GRM5: variants seen among roughly 807,000 people sequenced by gnomAD.
The protein encoded by GRM5 is metabotropic glutamate receptor 5.
In GRM5, 19 loss-of-function variants were observed where a neutral mutation model predicts 83.1. That is an observed-to-expected ratio of 0.23 (90% CI 0.16 to 0.34). The LOEUF (loss-of-function observed/expected upper bound fraction) is 0.34, where lower values mean the gene tolerates loss of function less well. Ranked by LOEUF, GRM5 falls within the 10% of genes least tolerant of loss-of-function variation. The probability of loss-of-function intolerance (pLI) is 1.00; values close to 1 mark genes in which losing one functional copy is unlikely to be tolerated. For synonymous variants in GRM5, 675 were observed against 633.6 expected, an observed-to-expected ratio of 1.07 and a Z score of -0.98; for missense variants, 1,160 against 1,588.3, an observed-to-expected ratio of 0.73 and a Z score of 4.58.
chr11:88,671,177 G>A (rs1940183800), intron 3 of GRM5, among the ~76,000 whole-genome samples: 1 of 151,504 alleles, frequency 6.6e-6, no homozygotes, highest in Admixed American at 6.6e-5. Flanking sequence ...TCCTCCCCAA[G>A]CAGAGACATG....
intron 3 of GRM5, among the ~76,000 whole-genome samples, chr11:88,804,649 C>A (rs1177793887): frequency 6.6e-6 from 1 of 151,930 alleles, no homozygotes; most frequent in Non-Finnish European, 1.5e-5. Context: ...AACTAGCCTG[C>A]ACATTGTGCA....
At chr11:88,985,588 C>G (rs1264900446) in intron 2 of GRM5, among the ~76,000 whole-genome samples, 1 of 152,128 alleles carries the variant, frequency 6.6e-6, no homozygotes, top group Non-Finnish European at 1.5e-5. Flanking sequence ...CCTAATCATA[C>G]CAAGAACACC....
chr11:88,824,863 C>A (rs969916269), intron 3 of GRM5, among the ~76,000 whole-genome samples: 2 of 152,146 alleles, frequency 1.3e-5, no homozygotes, highest in African/African-American at 2.4e-5. Flanking sequence ...ATGTATATGG[C>A]AAACTGAGGT....
intron 3 of GRM5, among the ~76,000 whole-genome samples, chr11:88,705,455 A>G (rs997291420): frequency 6.6e-6 from 1 of 152,052 alleles, no homozygotes; most frequent in Non-Finnish European, 1.5e-5. Flanking sequence ...TAGAAGTATC[A>G]CTGTTTTGAA....
intron 3 of GRM5, among the ~76,000 whole-genome samples, chr11:88,838,405 G>T (rs1944133810): frequency 6.6e-6 from 1 of 152,254 alleles, no homozygotes; most frequent in Admixed American, 6.5e-5. Context: ...GGAGCAGTCT[G>T]TTCTCTGAAC....
intron 2 of GRM5, among the ~76,000 whole-genome samples, chr11:89,015,453 G>A (rs866006029): frequency 3.3e-5 from 5 of 152,162 alleles, no homozygotes; most frequent in African/African-American, 1.2e-4. Flanking sequence ...ATCAATGGGT[G>A]TCTGTTGGCA....
chr11:88,540,913 AT>A (rs556487889), intron 8 of GRM5, among the ~76,000 whole-genome samples: 31 of 147,430 alleles, frequency 2.1e-4, no homozygotes, highest in African/African-American at 6.2e-4. Context: ...CGCCTGGTTA[AT>A]TTTTTTTTTG....
intron 2 of GRM5, among the ~76,000 whole-genome samples, chr11:89,023,082 T>C (rs7105432): frequency 0.036 from 5,401 of 152,116 alleles, 240 homozygotes; most frequent in African/African-American, 0.11. Flanking sequence ...CTTGGAAAGT[T>C]ACTGTATCAC....
At chr11:88,965,049 T>C (rs1348477858) in intron 2 of GRM5, among the ~76,000 whole-genome samples, 6 of 152,278 alleles carry the variant, frequency 3.9e-5, no homozygotes, top group Admixed American at 2.6e-4. Context: ...ACATCAATAA[T>C]AGCATTTTCT....
chr11:88,901,748 C>A (rs368652351), intron 2 of GRM5, among the ~76,000 whole-genome samples: 2 of 152,210 alleles, frequency 1.3e-5, no homozygotes, highest in South Asian at 2.1e-4. Flanking sequence ...TTGCTCTCAA[C>A]AGAAGTCTTC....
At chr11:88,748,082 G>C (rs1462735926) in intron 3 of GRM5, among the ~76,000 whole-genome samples, 1 of 152,148 alleles carries the variant, frequency 6.6e-6, no homozygotes, top group South Asian at 2.1e-4. Flanking sequence ...GAAGCAGTAA[G>C]TGATTGTACA....
chr11:88,550,823 A>G (rs578147678), intron 8 of GRM5, among the ~76,000 whole-genome samples: 7 of 152,258 alleles, frequency 4.6e-5, no homozygotes, highest in African/African-American at 1.7e-4. Context: ...ATTCTTTACC[A>G]GTCTTTCAAA....
chr11:88,592,135 A>C (rs1460113667), intron 6 of GRM5, among the ~76,000 whole-genome samples: 1 of 152,198 alleles, frequency 6.6e-6, no homozygotes, highest in East Asian at 1.9e-4. Context: ...CTGGCTTGGG[A>C]ATCAAGTAGC....
chr11:88,913,471 C>G (rs909176186), intron 2 of GRM5, among the ~76,000 whole-genome samples: 58 of 151,900 alleles, frequency 3.8e-4, no homozygotes, highest in African/African-American at 1.4e-3. Context: ...CCTCCCCTGT[C>G]TCAGAGCTGC....
In GRM5 at chr11:88,508,661, A is replaced by T; in HGVS notation, c.3570T>A (p.Cys1190Ter). Residue 1190 changes from cysteine to a stop codon, truncating the protein, a stop_gained, in exon 10 of 10, where the codon TGT becomes TGA. Coordinates refer to ENST00000305447, the MANE Select transcript of GRM5 (RefSeq NM_001143831.3). LOFTEE classifies it high-confidence loss of function. The surrounding 1 kb of genome is among the most constrained non-coding windows in gnomAD (Gnocchi z 4.2). The stretch of plus-strand genomic sequence containing the variant: ...TGTCATATTTGGGAGACGACGGGAT[A>T]CAGAGGGCCGACTCGGACACTGGCG... ...PNSPVSESAL[C>*]IPSSPKYDTL... 1 of 1,609,522 alleles carries T rather than the reference A, an allele frequency of 6.2e-7. No homozygotes were observed. Among genetic ancestry groups the T allele is most frequent in the Non-Finnish European group, 8.5e-7 (1 of 1,178,016 alleles).
chr11:88,856,861 A>T (rs920388138), intron 2 of GRM5, among the ~76,000 whole-genome samples: 3 of 152,068 alleles, frequency 2.0e-5, no homozygotes, highest in African/African-American at 7.2e-5. Context: ...CTAAAACATC[A>T]TTATATGGCA....
Position 88,657,012 on chromosome 11 carries a change from A to C in GRM5, c.912-3609T>G, listed in dbSNP as rs1224839801. On this transcript the variant is annotated intron_variant, in intron 3 of 9. Transcript: ENST00000305447. Reference sequence around the variant, plus strand: ...AATGCTCTGCAAATATCAAGGGACTAGGGATAACTGTATATAGACAATACA... The same window carrying C: ...AATGCTCTGCAAATATCAAGGGACTCGGGATAACTGTATATAGACAATACA... Among the ~76,000 whole-genome samples, 3 of 152,248 alleles carry C rather than the reference A, an allele frequency of 2.0e-5. No individual in the cohort carries two copies. The East Asian group carries it at 5.8e-4, about 29-fold the overall frequency.
At chr11:88,730,562 T>G (rs547906253) in intron 3 of GRM5, among the ~76,000 whole-genome samples, 14 of 152,252 alleles carry the variant, frequency 9.2e-5, no homozygotes, top group African/African-American at 3.4e-4. Flanking sequence ...TAAAGACACA[T>G]GCACACATAT....
chr11:88,527,447 C>T (rs1396461258), intron 8 of GRM5, among the ~76,000 whole-genome samples: 1 of 152,100 alleles, frequency 6.6e-6, no homozygotes, highest in Non-Finnish European at 1.5e-5. Context: ...TTCTATCAAA[C>T]TCTAACCTCT....
Sources: gnomAD v4.1 joint callset for allele counts (sites outside exome capture counted in the v4.1 genomes callset) on GRCh38, gnomAD v4.1.1 for gene constraint, Gnocchi (gnomAD v3.1) non-coding constraint, MANE v1.5 for transcripts, NCBI Gene and HGNC (gene_info 2026-07-23, HGNC 2026-07-21) for gene names.